The following RAPGEF5 variants were observed in gnomAD, a reference collection of about 807,000 sequenced individuals.
RAPGEF5 encodes the protein Rap guanine nucleotide exchange factor 5.
RAPGEF5 carries 65 observed loss-of-function variants against 125.2 expected under a neutral mutation model. The observed-to-expected ratio is 0.52, with a 90% CI of 0.43 to 0.64. RAPGEF5 has a LOEUF of 0.64. Ranked by LOEUF, RAPGEF5 falls within the 30% of genes least tolerant of loss-of-function variation. RAPGEF5 has a pLI of 0.00. For synonymous variants in RAPGEF5, 391 were observed against 385.9 expected (o/e 1.01, Z -0.16); for missense variants, 958 against 1,048.1 (o/e 0.91, Z 1.19).
chr7:22,324,041 G>A (rs929756848), intron 1 of RAPGEF5, among the ~76,000 whole-genome samples: 2 of 152,046 alleles, frequency 1.3e-5, no homozygotes, highest in African/African-American at 2.4e-5. Flanking sequence ...AGTATCTCCC[G>A]CCGAAATACT....
chr7:22,188,492 C>T (rs766156642), intron 11 of RAPGEF5, among the ~76,000 whole-genome samples: 4 of 152,038 alleles, frequency 2.6e-5, no homozygotes, highest in Non-Finnish European at 4.4e-5. Context: ...CACAGCCGGG[C>T]GCAGTGGCTC....
chr7:22,211,700 A>T (rs1238841415), intron 9 of RAPGEF5, among the ~76,000 whole-genome samples: 2 of 152,092 alleles, frequency 1.3e-5, no homozygotes, highest in Non-Finnish European at 1.5e-5. Context: ...CTGTTCCCAC[A>T]TTGCAACGGA....
At chr7:22,346,781 G>A (rs1784232206) in intron 1 of RAPGEF5, among the ~76,000 whole-genome samples, 1 of 152,146 alleles carries the variant, frequency 6.6e-6, no homozygotes, top group Non-Finnish European at 1.5e-5. Context: ...GTAAAGATTT[G>A]TTTTGCCTTG....
At chr7:22,216,179 A>C (rs1785633550) in intron 9 of RAPGEF5, among the ~76,000 whole-genome samples, 1 of 152,100 alleles carries the variant, frequency 6.6e-6, no homozygotes, top group South Asian at 2.1e-4. Context: ...TAGCTTTCTA[A>C]AGGTTCTTTC....
intron 19 of RAPGEF5, among the ~76,000 whole-genome samples, chr7:22,145,503 G>A (rs1209037140): frequency 6.6e-6 from 1 of 152,112 alleles, no homozygotes; most frequent in East Asian, 1.9e-4. Context: ...TTAAATCATA[G>A]GATAAAAGGA....
chr7:22,218,960 C>T lies in RAPGEF5; in HGVS notation c.996+906G>A, dbSNP rs1785709674. Among the ~76,000 whole-genome samples, 3 of 152,178 alleles carry T rather than the reference C, an allele frequency of 2.0e-5. No homozygotes were observed. In the South Asian group the frequency reaches 6.2e-4, roughly 31 times the overall value. On this transcript the variant is annotated intron_variant, in intron 9 of 25. Coordinates refer to ENST00000665637, the MANE Select transcript of RAPGEF5 (RefSeq NM_012294.5). ...AGACTTGAGCATCTTACCTCCTCTC[C>T]TTCTCAGTAAAACCCTGCCATTTGT...
chr7:22,146,828 T>C lies in RAPGEF5; in HGVS notation c.2007+69A>G, dbSNP rs1020317095. The stretch of plus-strand genomic sequence containing the variant: ...TAGCATAATTTCATCACCGCACGCA[T>C]TGATATTCTTCACAAAGAATTCACA... On this transcript the variant is annotated intron_variant, in intron 19 of 25. Transcript: ENST00000665637. The C allele has an allele frequency of 4.3e-5, 66 of 1,530,148 alleles. 1 individual carries two copies. Among genetic ancestry groups the C allele is most frequent in the African/African-American group, 3.6e-4 (26 of 72,886 alleles). 94.8% of individuals were successfully genotyped at this position (1,530,148 alleles called of 1,614,324 possible).
intron 24 of RAPGEF5, among the ~76,000 whole-genome samples, chr7:22,125,862 A>G (rs1782725038): frequency 6.6e-6 from 1 of 152,122 alleles, no homozygotes; most frequent in Non-Finnish European, 1.5e-5. Context: ...AAACAGTAGC[A>G]CCAGAATGGG....
intron 12 of RAPGEF5, among the ~76,000 whole-genome samples, chr7:22,164,806 CAG>C (rs769754155): frequency 1.7e-4 from 26 of 152,088 alleles, no homozygotes; most frequent in Non-Finnish European, 3.4e-4. Flanking sequence ...TTAGCTGGCT[CAG>C]AGCTATGAAT....
rs1467926284 is a variant in RAPGEF5 at position 22,125,337 on chromosome 7, G to A, written c.2536+267C>T. The A allele has an allele frequency of 2.5e-5, 9 of 354,134 alleles. No individual in the cohort carries two copies. The South Asian group carries it at 2.8e-4, about 11-fold the overall frequency. 21.9% of individuals were successfully genotyped at this position (354,134 alleles called of 1,614,324 possible). A position where few individuals can be genotyped will look rare whatever the true frequency, so the allele number is the denominator to read the frequency against. On this transcript the variant is annotated intron_variant, in intron 25 of 25. Coordinates refer to ENST00000665637, the MANE Select transcript of RAPGEF5 (RefSeq NM_012294.5). Reference sequence around the variant, plus strand: ...AGGAGTCAGCGGGAGTTGCGGGGAGGAGGTTTCTGAGTGTGTAAAGTCACT... The same window carrying A: ...AGGAGTCAGCGGGAGTTGCGGGGAGAAGGTTTCTGAGTGTGTAAAGTCACT...
intron 7 of RAPGEF5, among the ~76,000 whole-genome samples, chr7:22,240,272 A>T (rs1451142324): frequency 6.6e-6 from 1 of 151,820 alleles, no homozygotes; most frequent in Non-Finnish European, 1.5e-5. Flanking sequence ...ATCCAACTAA[A>T]ATAAAACCTT....
chr7:22,152,544 G>A (rs1345528897), intron 17 of RAPGEF5, among the ~76,000 whole-genome samples: 1 of 152,064 alleles, frequency 6.6e-6, no homozygotes. Context: ...GTAGTTTATT[G>A]TTACTACATA....
chr7:22,176,532 T>C (rs1046110702), intron 11 of RAPGEF5, among the ~76,000 whole-genome samples: 1 of 152,202 alleles, frequency 6.6e-6, no homozygotes. Context: ...TTTGTTTGTT[T>C]GTTTATTTTT....
chr7:22,157,848 T>TGC lies in RAPGEF5; in HGVS notation c.1557+5_1557+6dup. 1 of 1,611,244 alleles carries TGC rather than the reference T, an allele frequency of 6.2e-7. No homozygotes were observed. The highest frequency in any genetic ancestry group is 8.5e-7 in the Non-Finnish European group (1 of 1,177,438). On this transcript the variant is annotated splice_region_variant and intron_variant, in intron 15 of 25. Transcript: ENST00000665637. ...ACCTAATTTTAGGTATAGAAGCATC[T>TGC]GCTTACCTTTTTTTGTGGTGAATAT...
intron 7 of RAPGEF5, among the ~76,000 whole-genome samples, chr7:22,260,853 G>A (rs1782138655): frequency 6.6e-6 from 1 of 152,018 alleles, no homozygotes; most frequent in African/African-American, 2.4e-5. Flanking sequence ...ATAAAGCATT[G>A]GTAATTAAAA....
chr7:22,280,623 A>G (rs1782654355), intron 6 of RAPGEF5, among the ~76,000 whole-genome samples: 1 of 152,236 alleles, frequency 6.6e-6, no homozygotes, highest in East Asian at 1.9e-4. Context: ...AAAAAAGGGT[A>G]AATTTTTTCC....
intron 17 of RAPGEF5, among the ~76,000 whole-genome samples, chr7:22,151,071 C>T (rs1416956839): frequency 6.6e-6 from 1 of 152,092 alleles, no homozygotes; most frequent in East Asian, 1.9e-4. Context: ...GTTCATTATA[C>T]CATCATTTAA....
chr7:22,143,368 T>TAG (rs1783326845), intron 20 of RAPGEF5, among the ~76,000 whole-genome samples: 1 of 152,178 alleles, frequency 6.6e-6, no homozygotes, highest in Non-Finnish European at 1.5e-5. Context: ...TTCAACGTGC[T>TAG]AGTTTCAGAC....
At chr7:22,233,168 C>G (rs2128134958) in intron 7 of RAPGEF5, among the ~76,000 whole-genome samples, 1 of 152,218 alleles carries the variant, frequency 6.6e-6, no homozygotes, top group Non-Finnish European at 1.5e-5. Flanking sequence ...CTTAAAAATG[C>G]AATGGGCTAT....
Sources: allele counts gnomAD v4.1 joint callset (sites outside exome capture counted in the v4.1 genomes callset), GRCh38; gene constraint gnomAD v4.1.1; transcripts MANE v1.5; gene names NCBI Gene and HGNC (gene_info 2026-07-23, HGNC 2026-07-21).